The following DIP2C variants were observed in gnomAD, a reference collection of about 807,000 sequenced individuals.
The protein encoded by DIP2C is DIP2 acetate--CoA ligase C (putative).
DIP2C carries 33 observed loss-of-function variants against 192.4 expected under a neutral mutation model. The ratio of observed to expected loss-of-function variants is 0.17; its 90% CI spans 0.13 to 0.23. The LOEUF (loss-of-function observed/expected upper bound fraction) is 0.23. DIP2C is among the 10% of genes least tolerant of loss of function. The pLI, the probability that DIP2C is intolerant of heterozygous loss-of-function variation, is 1.00. For synonymous variants in DIP2C, 979 were observed against 864.1 expected, an observed-to-expected ratio of 1.13 and a Z score of -2.33; for missense variants, 1,537 against 2,110.1, an observed-to-expected ratio of 0.73 and a Z score of 5.32.
Position 369,491 on chromosome 10 carries a change from C to T in DIP2C, c.2131+3G>A. On this transcript the variant is annotated splice_donor_region_variant and intron_variant, in intron 18 of 36. Coordinates refer to ENST00000280886, the MANE Select transcript of DIP2C (RefSeq NM_014974.3). ...ATCTGTGCAGCTCGCGACCCACACT[C>T]ACCTCCAGGCATCACGAGGCCGACA... is the stretch of plus-strand genomic sequence containing the variant. 6.5e-7 allele frequency: 1 copy of T among 1,535,910 alleles called. No individual in the cohort carries two copies. The highest frequency in any genetic ancestry group is 8.8e-7 in the Non-Finnish European group (1 of 1,139,066).
intron 2 of DIP2C, 85 bp from the exon 3 acceptor site, chr10:472,634 CA>C: frequency 8.1e-7 from 1 of 1,227,476 alleles, no homozygotes; most frequent in Non-Finnish European, 1.2e-6. Context: ...CCTCCATCCC[CA>C]CAGCAAAGCC....
At chr10:517,511 C>T (rs897704031) in intron 1 of DIP2C, among the ~76,000 whole-genome samples, 3 of 152,264 alleles carry the variant, frequency 2.0e-5, no homozygotes, top group Middle Eastern at 3.4e-3. Flanking sequence ...CCCACAACGC[C>T]GAAGAGGAGC....
chr10:486,445 T>G lies in DIP2C; in HGVS notation c.157+14A>C, dbSNP rs1234613726. On this transcript the variant is annotated intron_variant, in intron 2 of 36. Transcript: ENST00000280886. ...GAAATGAGAGGACTCATGCTACTCATGGGGGTTACCTACTCGGAGGCTGCG... is the reference window on the plus strand; with the variant it reads ...GAAATGAGAGGACTCATGCTACTCAGGGGGGTTACCTACTCGGAGGCTGCG... The G allele has an allele frequency of 1.3e-6, 2 of 1,593,398 alleles. No homozygotes were observed. Among genetic ancestry groups the G allele is most frequent in the Non-Finnish European group, 1.7e-6 (2 of 1,170,632 alleles).
intron 35 of DIP2C, among the ~76,000 whole-genome samples, chr10:281,840 C>T (rs7908298): frequency 0.18 from 27,977 of 152,172 alleles, 3,352 homozygotes; most frequent in African/African-American, 0.33. Context: ...ATGAACATTT[C>T]CTTAGCTCAT....
chr10:399,924 A>T (rs1589706105), intron 9 of DIP2C, among the ~76,000 whole-genome samples: 1 of 152,242 alleles, frequency 6.6e-6, no homozygotes, highest in South Asian at 2.1e-4. Context: ...TGGATGTGGC[A>T]CCAACCCATC....
At chr10:450,154 C>A (rs545976411) in intron 3 of DIP2C, among the ~76,000 whole-genome samples, 1 of 152,282 alleles carries the variant, frequency 6.6e-6, no homozygotes, top group Admixed American at 6.5e-5. Context: ...GTGATGTGGA[C>A]CCGACACAAG....
intron 10 of DIP2C, among the ~76,000 whole-genome samples, chr10:393,262 A>C (rs1015599253): frequency 6.6e-6 from 1 of 152,216 alleles, no homozygotes; most frequent in Non-Finnish European, 1.5e-5. Flanking sequence ...GATGGAAGCA[A>C]TATTAGGATT....
intron 31 of DIP2C, among the ~76,000 whole-genome samples, chr10:320,508 CAA>C (rs71505870): frequency 1.4e-4 from 15 of 106,682 alleles, no homozygotes; most frequent in Admixed American, 3.0e-4. Context: ...GACTCCGTCT[CAA>C]AAAAAAAAAA....
intron 5 of DIP2C, among the ~76,000 whole-genome samples, chr10:421,189 C>T (rs1966159110): frequency 2.6e-5 from 4 of 152,042 alleles, no homozygotes; most frequent in South Asian, 2.1e-4. Flanking sequence ...TGTGGTCACC[C>T]GAGAGTTACA....
chr10:682,677 T>C (rs1831175780), intron 1 of DIP2C, among the ~76,000 whole-genome samples: 1 of 152,202 alleles, frequency 6.6e-6, no homozygotes, highest in South Asian at 2.1e-4. Flanking sequence ...AGATACATTT[T>C]TTATTTTTTA....
intron 3 of DIP2C, among the ~76,000 whole-genome samples, chr10:444,953 G>T (rs1968041112): frequency 6.6e-6 from 1 of 152,198 alleles, no homozygotes; most frequent in South Asian, 2.1e-4. Context: ...CAGCATACCT[G>T]CTGGGCCATA....
At chr10:360,476 G>A (rs1051043538) in intron 22 of DIP2C, among the ~76,000 whole-genome samples, 2 of 152,186 alleles carry the variant, frequency 1.3e-5, no homozygotes, top group African/African-American at 4.8e-5. Context: ...CGCATCGCTG[G>A]TATTATCAAA....
At chr10:635,462 G>T (rs2131904162) in intron 1 of DIP2C, among the ~76,000 whole-genome samples, 1 of 152,390 alleles carries the variant, frequency 6.6e-6, no homozygotes, top group Non-Finnish European at 1.5e-5. Flanking sequence ...AGGTGGCACA[G>T]CCTTAGGGCC....
At chr10:611,182 G>A (rs1053392099) in intron 1 of DIP2C, among the ~76,000 whole-genome samples, 3 of 131,214 alleles carry the variant, frequency 2.3e-5, no homozygotes, top group African/African-American at 7.5e-5. Flanking sequence ...GTTTGAAAGT[G>A]CATGGCACCT....
At chr10:464,902 A>G (rs1407839676) in intron 3 of DIP2C, among the ~76,000 whole-genome samples, 2 of 151,456 alleles carry the variant, frequency 1.3e-5, no homozygotes, top group Non-Finnish European at 2.9e-5. Flanking sequence ...TCAATAGTTT[A>G]CCAACCAAAA....
intron 3 of DIP2C, among the ~76,000 whole-genome samples, chr10:464,156 A>G (rs932594613): frequency 1.9e-4 from 29 of 152,214 alleles, no homozygotes; most frequent in African/African-American, 7.0e-4. Flanking sequence ...GCATCTAATT[A>G]AACTAAAGTG....
intron 1 of DIP2C, among the ~76,000 whole-genome samples, chr10:591,674 T>A (rs1461660835): frequency 6.6e-6 from 1 of 152,196 alleles, no homozygotes. Context: ...GCCGGTGAGT[T>A]AGACACAAGG....
intron 1 of DIP2C, among the ~76,000 whole-genome samples, chr10:642,030 G>GGAAA (rs753304909): frequency 3.3e-5 from 5 of 151,930 alleles, no homozygotes; most frequent in Non-Finnish European, 4.4e-5. Flanking sequence ...ATCAAAAAAA[G>GGAAA]GAAAGAAAGA....
At chr10:312,169 G>A (rs917068761) in intron 31 of DIP2C, among the ~76,000 whole-genome samples, 1 of 152,148 alleles carries the variant, frequency 6.6e-6, no homozygotes, top group Admixed American at 6.5e-5. Context: ...CAGCAAATGT[G>A]CTCTGTTGCT....
Sources: allele counts gnomAD v4.1 joint callset (sites outside exome capture counted in the v4.1 genomes callset), GRCh38; gene constraint gnomAD v4.1.1; transcripts MANE v1.5; gene names NCBI Gene and HGNC (gene_info 2026-07-23, HGNC 2026-07-21).